The following KATNBL1 variants were observed in gnomAD, a reference collection of about 807,000 sequenced individuals.
The protein encoded by KATNBL1 is katanin regulatory subunit B1 like 1.
In KATNBL1, 28 loss-of-function variants were observed where a neutral mutation model predicts 44.7. That is an observed-to-expected ratio of 0.63 (90% CI 0.46 to 0.86). The LOEUF (loss-of-function observed/expected upper bound fraction) is 0.86. KATNBL1 is among the 40% of genes least tolerant of loss of function. KATNBL1 has a pLI of 0.00. For synonymous variants in KATNBL1, 78 were observed against 114.9 expected (o/e 0.68, Z 2.06); for missense variants, 272 against 350.7 (o/e 0.78, Z 1.79).
chr15:34,157,669 G>C (rs986723130), intron 2 of KATNBL1, among the ~76,000 whole-genome samples: 7 of 152,308 alleles, frequency 4.6e-5, no homozygotes, highest in African/African-American at 1.7e-4. Context: ...GAGCAGTTCG[G>C]ATTCTCAACA....
chr15:34,141,484 G>A lies in KATNBL1; in HGVS notation c.*855C>T, dbSNP rs1287614382. On this transcript the variant is annotated 3_prime_UTR_variant, in exon 10 of 10. Coordinates refer to ENST00000256544, the MANE Select transcript of KATNBL1 (RefSeq NM_024713.3). ...ATTAGAAATCTATGTACAATAAAAA[G>A]TAAATATAAATTAGCCAAGTCCATG... 6.6e-6 allele frequency: 1 copy of A among 152,478 alleles called. No individual in the cohort carries two copies. The highest frequency in any genetic ancestry group is 1.5e-5 in the Non-Finnish European group (1 of 67,964). The allele number at this position is 152,478 out of a possible 1,614,324, so 9.4% of individuals were successfully genotyped here.
At chr15:34,154,733 CGCAAAGAAGAATCA>C in intron 2 of KATNBL1, 49 bp from the exon 3 acceptor site, 1 of 1,256,402 alleles carries the variant, frequency 8.0e-7, no homozygotes, top group Non-Finnish European at 1.2e-6. Context: ...TGCTTGGTGC[CGCAAAGAAGAATCA>C]GCACTCCGGC....
intron 1 of KATNBL1, among the ~76,000 whole-genome samples, chr15:34,168,156 G>A (rs542852064): frequency 1.5e-3 from 236 of 152,278 alleles, no homozygotes; most frequent in Non-Finnish European, 2.8e-3. Flanking sequence ...ATTGGATAAA[G>A]AGTCAAGACC....
At chr15:34,186,803 C>T (rs1370007534) in intron 1 of KATNBL1, among the ~76,000 whole-genome samples, 3 of 152,222 alleles carry the variant, frequency 2.0e-5, no homozygotes, top group African/African-American at 7.2e-5. Context: ...CAGCGGGAGA[C>T]AGACAAGAGT....
chr15:34,180,122 T>C (rs958853694), intron 1 of KATNBL1, among the ~76,000 whole-genome samples: 1 of 152,210 alleles, frequency 6.6e-6, no homozygotes, highest in Non-Finnish European at 1.5e-5. Context: ...TCCTCCCTTC[T>C]GCTTTCAAAC....
intron 2 of KATNBL1, chr15:34,154,971 G>T: frequency 2.5e-6 from 1 of 399,274 alleles, no homozygotes; most frequent in Non-Finnish European, 4.6e-6. Context: ...CAGAGTGGCG[G>T]GGTGAGCAGT....
chr15:34,183,902 G>A (rs754677319), intron 1 of KATNBL1, among the ~76,000 whole-genome samples: 65 of 152,180 alleles, frequency 4.3e-4, no homozygotes, highest in Non-Finnish European at 8.7e-4. Flanking sequence ...GGGTGCGGTG[G>A]CTCATGCCTT....
At chr15:34,147,536 T>C in intron 5 of KATNBL1, 106 bp from the exon 6 acceptor site, 2 of 869,622 alleles carry the variant, frequency 2.3e-6, no homozygotes, top group Non-Finnish European at 1.8e-6. Context: ...CATTTAACAA[T>C]GTCAGTATCT....
intron 3 of KATNBL1, 91 bp downstream of exon 3, chr15:34,154,553 T>C: frequency 1.3e-6 from 1 of 793,262 alleles, no homozygotes; most frequent in Non-Finnish European, 2.2e-6. Context: ...TAATTATTAT[T>C]ATGATAAAAG....
intron 1 of KATNBL1, among the ~76,000 whole-genome samples, chr15:34,168,992 A>T (rs764522766): frequency 2.0e-5 from 3 of 152,032 alleles, no homozygotes; most frequent in Non-Finnish European, 4.4e-5. Context: ...AGCAGGAAAG[A>T]TCTACAATCG....
intron 2 of KATNBL1, among the ~76,000 whole-genome samples, chr15:34,156,604 C>G (rs1300422513): frequency 6.6e-6 from 1 of 152,168 alleles, no homozygotes; most frequent in African/African-American, 2.4e-5. Flanking sequence ...GGAGGAAGAA[C>G]AACAGTTTTG....
chr15:34,183,574 T>C (rs1035618984), intron 1 of KATNBL1, among the ~76,000 whole-genome samples: 1 of 152,210 alleles, frequency 6.6e-6, no homozygotes, highest in African/African-American at 2.4e-5. Context: ...ATTTATGTAT[T>C]TACCTTGCCT....
chr15:34,190,697 T>C (rs1401907766), intron 1 of KATNBL1, among the ~76,000 whole-genome samples: 2 of 152,118 alleles, frequency 1.3e-5, no homozygotes, highest in East Asian at 3.9e-4. Flanking sequence ...AATTTTAGCA[T>C]CAAAAAAAGA....
intron 2 of KATNBL1, among the ~76,000 whole-genome samples, chr15:34,161,171 C>T (rs371041172): frequency 1.2e-4 from 18 of 152,178 alleles, no homozygotes; most frequent in African/African-American, 3.9e-4. Flanking sequence ...CAAGATACCC[C>T]GACCACCAAG....
intron 1 of KATNBL1, chr15:34,165,828 A>G (rs1024050989): frequency 1.3e-5 from 2 of 152,130 alleles, no homozygotes; most frequent in African/African-American, 4.8e-5. Flanking sequence ...TAAATAAATA[A>G]AAGTGGTAAC....
intron 1 of KATNBL1, among the ~76,000 whole-genome samples, chr15:34,178,683 G>A (rs902047155): frequency 2.0e-5 from 3 of 151,154 alleles, no homozygotes; most frequent in Admixed American, 6.6e-5. Context: ...ATGAACCCAG[G>A]AGGCGGAGCT....
Position 34,146,768 on chromosome 15 carries a change from T to C in KATNBL1, c.781A>G (p.Asn261Asp). 1 of 1,588,880 alleles carries C rather than the reference T, an allele frequency of 6.3e-7. No individual in the cohort carries two copies. Among genetic ancestry groups the C allele is most frequent in the Non-Finnish European group, 8.6e-7 (1 of 1,157,296 alleles). Residue 261 changes from asparagine to aspartate, a missense_variant, in exon 8 of 10, where the codon AAT becomes GAT. Physicochemically the swap from Asn to Asp is conservative, Grantham distance 23 (BLOSUM62 1). Transcript: ENST00000256544. ...CTTTAAAGGTATACTCACCCATCAT[T>C]TATAATTTCTGTTTTGGATGATAGT... The part of the protein sequence containing the change: ...SELSSKTEII[N>D]DGNIQILKQQ...
chr15:34,156,825 CAGTT>C (rs1172320772), intron 2 of KATNBL1, among the ~76,000 whole-genome samples: 6 of 152,172 alleles, frequency 3.9e-5, no homozygotes, highest in Admixed American at 1.3e-4. Context: ...ATTTAGCTGA[CAGTT>C]AGGGGAAGCT....
chr15:34,147,120 C>A, intron 7 of KATNBL1, 80 bp downstream of exon 7: 1 of 823,454 alleles, frequency 1.2e-6, no homozygotes, highest in Non-Finnish European at 2.0e-6. Flanking sequence ...TCATGGAGCC[C>A]AATCTACTAT....
Sources: gnomAD v4.1 joint callset for allele counts (sites outside exome capture counted in the v4.1 genomes callset) on GRCh38, gnomAD v4.1.1 for gene constraint, MANE v1.5 for transcripts, NCBI Gene and HGNC (gene_info 2026-07-23, HGNC 2026-07-21) for gene names.